The following FGF14 variants were observed in gnomAD, a reference collection of about 807,000 sequenced individuals.
The protein encoded by FGF14 is fibroblast growth factor 14.
A neutral mutation model predicts 25.5 loss-of-function variants in FGF14; 5 were observed. The observed-to-expected ratio is 0.20, with a 90% CI of 0.10 to 0.41. The LOEUF (loss-of-function observed/expected upper bound fraction) is 0.41. Ranked by LOEUF, FGF14 falls within the 10% of genes least tolerant of loss-of-function variation. The pLI is 1.00. For missense variants in FGF14, 222 were observed against 320.1 expected, an observed-to-expected ratio of 0.69 and a Z score of 2.34; for synonymous variants, 138 against 118.3, an observed-to-expected ratio of 1.17 and a Z score of -1.08.
At chr13:102,217,726 A>G (rs1466149682) in intron 1 of FGF14, among the ~76,000 whole-genome samples, 2 of 152,166 alleles carry the variant, frequency 1.3e-5, no homozygotes, top group Non-Finnish European at 2.9e-5. Flanking sequence ...GTTTCACACA[A>G]CTCCGCAGGC....
intron 1 of FGF14, among the ~76,000 whole-genome samples, chr13:102,368,275 C>T (rs2057775824): frequency 6.6e-6 from 1 of 152,082 alleles, no homozygotes; most frequent in South Asian, 2.1e-4. Context: ...CTACACAGTA[C>T]CTACATGATA....
intron 1 of FGF14, among the ~76,000 whole-genome samples, chr13:102,138,149 C>T (rs1021894345): frequency 6.8e-6 from 1 of 146,876 alleles, no homozygotes; most frequent in Non-Finnish European, 1.5e-5. Flanking sequence ...TCTTTTCAGA[C>T]AAAGCCTTAC....
At chr13:101,911,653 C>T (rs1017407957) in intron 1 of FGF14, among the ~76,000 whole-genome samples, 2 of 151,940 alleles carry the variant, frequency 1.3e-5, no homozygotes, top group African/African-American at 2.4e-5. Context: ...CATAAGATTC[C>T]CTGCTTAGAA....
intron 1 of FGF14, among the ~76,000 whole-genome samples, chr13:102,061,667 T>G (rs923590506): frequency 1.2e-4 from 18 of 151,948 alleles, no homozygotes; most frequent in African/African-American, 4.1e-4. Context: ...ACCTGGAGAG[T>G]CTTTGTGATT....
intron 3 of FGF14, among the ~76,000 whole-genome samples, chr13:101,795,698 C>T (rs1313164704): frequency 6.6e-6 from 1 of 152,082 alleles, no homozygotes; most frequent in African/African-American, 2.4e-5. Flanking sequence ...GCAAACCTGC[C>T]ATGACAATTA....
intron 3 of FGF14, among the ~76,000 whole-genome samples, chr13:101,807,933 T>C (rs1203194098): frequency 2.6e-5 from 4 of 152,128 alleles, no homozygotes; most frequent in African/African-American, 9.6e-5. Flanking sequence ...AGAAATGATA[T>C]TATTCTGCAT....
chr13:101,793,850 T>C (rs1045873749), intron 3 of FGF14, among the ~76,000 whole-genome samples: 6 of 152,238 alleles, frequency 3.9e-5, no homozygotes, highest in East Asian at 1.9e-4. Context: ...TCCCTTCACA[T>C]TTTATTTTGA....
chr13:102,323,546 T>G (rs372736302), intron 1 of FGF14, among the ~76,000 whole-genome samples: 1 of 152,198 alleles, frequency 6.6e-6, no homozygotes, highest in Non-Finnish European at 1.5e-5. Context: ...CAGAGACAAA[T>G]TGAAATCATA....
intron 1 of FGF14, among the ~76,000 whole-genome samples, chr13:101,955,640 G>A (rs2036467581): frequency 1.3e-5 from 2 of 152,220 alleles, no homozygotes; most frequent in African/African-American, 2.4e-5. Context: ...TGAGGGGAAG[G>A]GTGAGACATG....
At chr13:102,184,007 T>C (rs1008264709) in intron 1 of FGF14, among the ~76,000 whole-genome samples, 1 of 152,136 alleles carries the variant, frequency 6.6e-6, no homozygotes, top group Non-Finnish European at 1.5e-5. Flanking sequence ...TAAGTAAATA[T>C]CAAGAAATAC....
chr13:101,942,979 A>G (rs1022183431), intron 1 of FGF14, among the ~76,000 whole-genome samples: 1 of 152,214 alleles, frequency 6.6e-6, no homozygotes, highest in Non-Finnish European at 1.5e-5. Context: ...CTCAAAATAG[A>G]ACCCCTCTTA....
At chr13:101,748,474 G>A (rs1218120202) in intron 3 of FGF14, among the ~76,000 whole-genome samples, 1 of 151,426 alleles carries the variant, frequency 6.6e-6, no homozygotes, top group Non-Finnish European at 1.5e-5. Flanking sequence ...AGACACTGGA[G>A]ACTTGAAAGG....
intron 1 of FGF14, among the ~76,000 whole-genome samples, chr13:102,144,868 T>C (rs1422103701): frequency 6.6e-6 from 1 of 152,198 alleles, no homozygotes; most frequent in African/African-American, 2.4e-5. Context: ...CAACAGATTC[T>C]AAAACTATGA....
chr13:102,135,687 G>A (rs1460678365), intron 1 of FGF14, among the ~76,000 whole-genome samples: 3 of 152,076 alleles, frequency 2.0e-5, no homozygotes, highest in Non-Finnish European at 2.9e-5. Context: ...ACGGAGTCTC[G>A]CTCTATTGCT....
intron 1 of FGF14, among the ~76,000 whole-genome samples, chr13:101,884,830 T>C (rs2045907016): frequency 6.6e-6 from 1 of 150,390 alleles, no homozygotes; most frequent in Non-Finnish European, 1.5e-5. Context: ...CCTGTCTCCC[T>C]GCCTAATCTT....
chr13:102,185,436 C>T (rs925938515), intron 1 of FGF14, among the ~76,000 whole-genome samples: 1 of 152,120 alleles, frequency 6.6e-6, no homozygotes, highest in Non-Finnish European at 1.5e-5. Flanking sequence ...TTATTTTCTT[C>T]CTCTATTACT....
chr13:102,032,507 A>G (rs2041260190), intron 1 of FGF14, among the ~76,000 whole-genome samples: 1 of 152,122 alleles, frequency 6.6e-6, no homozygotes, highest in Non-Finnish European at 1.5e-5. Context: ...TTGAGTAATG[A>G]CATAGTTTTT....
At chr13:101,782,733 G>A (rs1052263372) in intron 3 of FGF14, among the ~76,000 whole-genome samples, 1 of 152,122 alleles carries the variant, frequency 6.6e-6, no homozygotes, top group African/African-American at 2.4e-5. Flanking sequence ...TCTTTTTTAT[G>A]GCTGCATGGT....
chr13:102,134,547 T>C (rs1594093953), intron 1 of FGF14, among the ~76,000 whole-genome samples: 1 of 152,196 alleles, frequency 6.6e-6, no homozygotes, highest in South Asian at 2.1e-4. Context: ...TTGCACACAA[T>C]AGAGTTAATA....
Sources: allele counts gnomAD v4.1 joint callset (sites outside exome capture counted in the v4.1 genomes callset), GRCh38; gene constraint gnomAD v4.1.1; transcripts MANE v1.5; gene names NCBI Gene and HGNC (gene_info 2026-07-23, HGNC 2026-07-21).